TMEM181: variants seen among roughly 807,000 people sequenced by gnomAD.
TMEM181 encodes the protein G protein-coupled receptor 178.
In TMEM181, 39 loss-of-function variants were observed where a neutral mutation model predicts 71.9. That is an observed-to-expected ratio of 0.54 (90% CI 0.42 to 0.71). The LOEUF is 0.71. TMEM181 is among the 30% of genes least tolerant of loss of function. The pLI is 0.00. For synonymous variants in TMEM181, 245 were observed against 228.8 expected, an observed-to-expected ratio of 1.07 and a Z score of -0.64; for missense variants, 595 against 583.0, an observed-to-expected ratio of 1.02 and a Z score of -0.21.
intron 6 of TMEM181, among the ~76,000 whole-genome samples, chr6:158,598,075 GT>G (rs1784477738): frequency 6.6e-6 from 1 of 152,204 alleles, no homozygotes; most frequent in Admixed American, 6.5e-5. Context: ...ACTGGCACTT[GT>G]GGGATGACGC....
At chr6:158,631,594 G>A (rs190023978) in intron 16 of TMEM181, among the ~76,000 whole-genome samples, 23 of 152,322 alleles carry the variant, frequency 1.5e-4, no homozygotes, top group East Asian at 9.6e-4. Context: ...CCTGTAGGGC[G>A]TGCTGGCCAC....
chr6:158,586,057 C>T (rs1031606480), intron 5 of TMEM181, among the ~76,000 whole-genome samples: 27 of 152,184 alleles, frequency 1.8e-4, no homozygotes, highest in African/African-American at 6.3e-4. Context: ...TGCCCTAATC[C>T]GTCTGTGTGA....
At chr6:158,608,518 C>T (rs1785092236) in intron 9 of TMEM181, 55 bp downstream of exon 9, 3 of 1,612,858 alleles carry the variant, frequency 1.9e-6, no homozygotes, top group Non-Finnish European at 2.5e-6. Flanking sequence ...GTCCTCCCTC[C>T]CGAACTCTGA....
At chr6:158,590,054 TAGC>T (rs1162815066) in intron 6 of TMEM181, among the ~76,000 whole-genome samples, 1 of 152,174 alleles carries the variant, frequency 6.6e-6, no homozygotes, top group Non-Finnish European at 1.5e-5. Context: ...GTGAAGGGGT[TAGC>T]AGACACAGCA....
chr6:158,593,955 G>A (rs1784250832), intron 6 of TMEM181, among the ~76,000 whole-genome samples: 1 of 152,012 alleles, frequency 6.6e-6, no homozygotes, highest in Non-Finnish European at 1.5e-5. Flanking sequence ...TCTTGGTGTT[G>A]TACATTCTGT....
intron 1 of TMEM181, among the ~76,000 whole-genome samples, chr6:158,568,895 A>G (rs929714944): frequency 1.3e-5 from 2 of 152,180 alleles, no homozygotes; most frequent in African/African-American, 2.4e-5. Context: ...CCCATGAGCA[A>G]CAGTTTTAGA....
chr6:158,622,274 T>A (rs1350600566), intron 10 of TMEM181, among the ~76,000 whole-genome samples: 1 of 151,828 alleles, frequency 6.6e-6, no homozygotes, highest in Non-Finnish European at 1.5e-5. Flanking sequence ...ACGTGCTCTC[T>A]CTTTTTCAAA....
upstream of TMEM181, among the ~76,000 whole-genome samples, chr6:158,559,678 A>T (rs1782040307): frequency 6.6e-6 from 1 of 152,286 alleles, no homozygotes; most frequent in Admixed American, 6.5e-5. Flanking sequence ...CCTGGCTTTT[A>T]ACCTTTTTTG....
At position 158,580,937 on chromosome 6, in the gene TMEM181, T is replaced by C. The variant is rs771538473; in HGVS notation, c.113-3T>C. 2.5e-6 allele frequency: 4 copies of C among 1,602,670 alleles called. No individual in the cohort carries two copies. In the South Asian group the frequency reaches 3.3e-5, roughly 13 times the overall value. Reference sequence around the variant, plus strand: ...GCTTTTGTCCTTTTCTGTTACACTTTAGGACCTAAAGTGATCCAGACTTCT... The same window carrying C: ...GCTTTTGTCCTTTTCTGTTACACTTCAGGACCTAAAGTGATCCAGACTTCT... On this transcript the variant is annotated splice_polypyrimidine_tract_variant and splice_region_variant and intron_variant, in intron 2 of 16. Coordinates refer to ENST00000684151, the MANE Select transcript of TMEM181 (RefSeq NM_001376852.1).
intron 7 of TMEM181, among the ~76,000 whole-genome samples, chr6:158,605,983 C>A (rs1051445507): frequency 7.9e-5 from 12 of 152,212 alleles, no homozygotes; most frequent in African/African-American, 2.7e-4. Flanking sequence ...CCTGCATCAG[C>A]TGCTTGTCCT....
intron 1 of TMEM181, among the ~76,000 whole-genome samples, chr6:158,553,828 G>T (rs368557044): frequency 1.3e-5 from 2 of 152,182 alleles, no homozygotes; most frequent in Non-Finnish European, 2.9e-5. Flanking sequence ...GTCATTAGTA[G>T]GTTCTTGGAA....
At chr6:158,586,796 A>G (rs1175359405) in intron 5 of TMEM181, among the ~76,000 whole-genome samples, 2 of 152,074 alleles carry the variant, frequency 1.3e-5, no homozygotes, top group African/African-American at 2.4e-5. Flanking sequence ...TTCCCCATCT[A>G]TAAAGTTGGG....
At chr6:158,576,899 A>C (rs1454885132) in intron 2 of TMEM181, among the ~76,000 whole-genome samples, 2 of 151,958 alleles carry the variant, frequency 1.3e-5, no homozygotes, top group Non-Finnish European at 2.9e-5. Flanking sequence ...CATCTCTGCT[A>C]AAAATACAAA....
intron 6 of TMEM181, among the ~76,000 whole-genome samples, chr6:158,604,561 G>T (rs974151323): frequency 5.3e-5 from 8 of 152,096 alleles, no homozygotes; most frequent in Non-Finnish European, 2.9e-5. Flanking sequence ...CCCTGTCCTC[G>T]GCTCCATCAG....
chr6:158,597,807 C>G (rs1784461898), intron 6 of TMEM181, among the ~76,000 whole-genome samples: 1 of 152,120 alleles, frequency 6.6e-6, no homozygotes, highest in African/African-American at 2.4e-5. Context: ...CACCGTGCCC[C>G]TCTACCCCTT....
chr6:158,546,980 A>T (rs1038513332), intron 1 of TMEM181, among the ~76,000 whole-genome samples: 2 of 141,872 alleles, frequency 1.4e-5, no homozygotes, highest in Admixed American at 1.4e-4. Flanking sequence ...ACAAACAAAC[A>T]AATAAAGAAT....
intron 10 of TMEM181, among the ~76,000 whole-genome samples, chr6:158,612,684 G>A (rs968048669): frequency 2.0e-5 from 3 of 152,222 alleles, no homozygotes; most frequent in Non-Finnish European, 1.5e-5. Flanking sequence ...TGAGATAGAA[G>A]CAACATTTCT....
At chr6:158,580,396 A>G (rs1783406478) in intron 2 of TMEM181, among the ~76,000 whole-genome samples, 1 of 152,204 alleles carries the variant, frequency 6.6e-6, no homozygotes, top group African/African-American at 2.4e-5. Flanking sequence ...AATCTTATGT[A>G]TATTTTGTCA....
intron 2 of TMEM181, among the ~76,000 whole-genome samples, chr6:158,578,704 T>C (rs1287796308): frequency 6.6e-6 from 1 of 152,110 alleles, no homozygotes; most frequent in East Asian, 1.9e-4. Flanking sequence ...AACGAAGGCA[T>C]ATAGAAAGCA....
Sources: allele counts gnomAD v4.1 joint callset (sites outside exome capture counted in the v4.1 genomes callset), GRCh38; gene constraint gnomAD v4.1.1; transcripts MANE v1.5; gene names NCBI Gene and HGNC (gene_info 2026-07-23, HGNC 2026-07-21).